MYT1: variants seen among roughly 807,000 people sequenced by gnomAD.
The protein encoded by MYT1 is myelin transcription factor I.
A neutral mutation model predicts 123.0 loss-of-function variants in MYT1; 23 were observed. The observed-to-expected ratio is 0.19, with a 90% CI of 0.13 to 0.26. MYT1 has a LOEUF of 0.26. MYT1 is among the 10% of genes least tolerant of loss of function. MYT1 has a pLI of 1.00. For missense variants in MYT1, 1,125 were observed against 1,472.5 expected (o/e 0.76, Z 3.86); for synonymous variants, 518 against 575.3 (o/e 0.90, Z 1.43).
At chr20:64,234,858 CCGTGG>C (rs1984455375) in intron 19 of MYT1, among the ~76,000 whole-genome samples, 1 of 140,138 alleles carries the variant, frequency 7.1e-6, no homozygotes, top group Non-Finnish European at 1.5e-5. Flanking sequence ...CCTGGGCTGG[CCGTGG>C]TGGGTGACCC....
At chr20:64,225,376 T>C (rs1476284753) in intron 16 of MYT1, among the ~76,000 whole-genome samples, 1 of 152,202 alleles carries the variant, frequency 6.6e-6, no homozygotes, top group East Asian at 1.9e-4. Flanking sequence ...AGTCAGATGA[T>C]GTGTGTTCTG....
At chr20:64,198,793 C>G in intron 2 of MYT1, 69 bp from the exon 3 acceptor site, 1 of 1,550,866 alleles carries the variant, frequency 6.4e-7, no homozygotes. Flanking sequence ...GCCAGACATT[C>G]CTGATGGCTC....
At chr20:64,225,273 C>T (rs1187994311) in intron 16 of MYT1, among the ~76,000 whole-genome samples, 1 of 152,248 alleles carries the variant, frequency 6.6e-6, no homozygotes, top group Non-Finnish European at 1.5e-5. Flanking sequence ...CTGGCCCCTC[C>T]TGATCAGCCT....
rs1983755114 is a variant in MYT1, at chr20:64,213,787, G to C, written c.1631+140G>C. On this transcript the variant is annotated intron_variant, in intron 10 of 22. Transcript: ENST00000328439. This position sits in a 1 kb window ranked among gnomAD's most constrained non-coding sequence, Gnocchi z 5.6. ...CGTGCATGTGAGTGTACGTGCATGTGAGTGTGCACATGCCCCGGGCCCCCC... is the reference window on the plus strand; with the variant it reads ...CGTGCATGTGAGTGTACGTGCATGTCAGTGTGCACATGCCCCGGGCCCCCC... 6 of 728,366 alleles carry C rather than the reference G, an allele frequency of 8.2e-6. No individual in the cohort carries two copies. In the East Asian group the frequency reaches 1.6e-4, roughly 20 times the overall value. 45.1% of individuals were successfully genotyped at this position (728,366 alleles called of 1,614,324 possible).
rs1983741516 is a variant in MYT1, at chr20:64,213,444, C to T, written c.1518-90C>T. ...CCTGGAGTTCTCACATCTGAATGAC[C>T]TTGCCGTGAGACACCCACACACACA... is the stretch of plus-strand genomic sequence containing the variant. On this transcript the variant is annotated intron_variant, in intron 9 of 22. Transcript: ENST00000328439. This position sits in a 1 kb window ranked among gnomAD's most constrained non-coding sequence, Gnocchi z 5.6. 1.0e-6 allele frequency: 1 copy of T among 955,702 alleles called. No homozygotes were observed. The highest frequency in any genetic ancestry group is 1.4e-5 in the South Asian group (1 of 70,098). 59.2% of individuals were successfully genotyped at this position (955,702 alleles called of 1,614,324 possible).
At position 64,185,408 on chromosome 20, in the gene MYT1, G is replaced by A. The variant is rs1982772964; in HGVS notation, c.-98-4655G>A. The stretch of plus-strand genomic sequence containing the variant: ...TCCCCTCTTTGCTGAGGGGCAGGTG[G>A]TAACAGCTCCTGGCCCCAAAGGCAG... On this transcript the variant is annotated intron_variant, in intron 1 of 22. Coordinates refer to ENST00000328439, the MANE Select transcript of MYT1 (RefSeq NM_004535.3). The surrounding 1 kb of genome is among the most constrained non-coding windows in gnomAD (Gnocchi z 4.5). Among the ~76,000 whole-genome samples, 1 of 152,176 alleles carries A rather than the reference G, an allele frequency of 6.6e-6. No homozygotes were observed. Among genetic ancestry groups the A allele is most frequent in the Non-Finnish European group, 1.5e-5 (1 of 68,020 alleles).
intron 2 of MYT1, among the ~76,000 whole-genome samples, chr20:64,194,125 C>T (rs573510852): frequency 2.0e-5 from 3 of 152,328 alleles, no homozygotes; most frequent in Admixed American, 2.0e-4. Flanking sequence ...CCTTAAATGA[C>T]ATGCACTAAG....
intron 4 of MYT1, among the ~76,000 whole-genome samples, chr20:64,204,294 G>GT (rs1354899540): frequency 1.3e-5 from 2 of 152,180 alleles, no homozygotes; most frequent in Non-Finnish European, 2.9e-5. Context: ...TTAAGGAAGA[G>GT]GAACTCCTGG....
At chr20:64,172,864 G>A (rs1057399414) in intron 1 of MYT1, among the ~76,000 whole-genome samples, 23 of 147,666 alleles carry the variant, frequency 1.6e-4, no homozygotes, top group African/African-American at 4.8e-4. Context: ...CTCCTGCCTC[G>A]GCCTCCTGCA....
At chr20:64,216,830 A>G (rs1326088885) in intron 10 of MYT1, among the ~76,000 whole-genome samples, 2 of 152,120 alleles carry the variant, frequency 1.3e-5, no homozygotes, top group Non-Finnish European at 2.9e-5. Flanking sequence ...TGAGGGTCCT[A>G]TTGCTTCCTC....
chr20:64,237,664 T>C (rs1432194155), intron 21 of MYT1, among the ~76,000 whole-genome samples: 2 of 152,324 alleles, frequency 1.3e-5, no homozygotes, highest in African/African-American at 4.8e-5. Context: ...CTATTAATAA[T>C]ACTAGTCCCA....
Position 64,214,533 on chromosome 20 carries a change from C to G in MYT1, c.1631+886C>G, listed in dbSNP as rs527740545. Among the ~76,000 whole-genome samples the G allele has an allele frequency of 6.5e-4, 99 of 152,354 alleles. 1 individual carries two copies. The highest frequency in any genetic ancestry group is 2.2e-3 in the African/African-American group (93 of 41,586). ...GCTCAGAGAGTTGCCCAAGGCCACCCTGCCCATCCTGCCTGGCTTCAAAGT... is the reference window on the plus strand; with the variant it reads ...GCTCAGAGAGTTGCCCAAGGCCACCGTGCCCATCCTGCCTGGCTTCAAAGT... On this transcript the variant is annotated intron_variant, in intron 10 of 22. Transcript: ENST00000328439.
chr20:64,189,831 G>A lies in MYT1; in HGVS notation c.-98-232G>A, dbSNP rs1172495388. On this transcript the variant is annotated intron_variant, in intron 1 of 22. Transcript: ENST00000328439. The surrounding 1 kb of genome is among the most constrained non-coding windows in gnomAD (Gnocchi z 5.5). ...CTAGAGCTGGGACAACAGTGCAGGG[G>A]ACTGCAGGAAGACTCCAGGGAGGCC... Among the ~76,000 whole-genome samples the A allele has an allele frequency of 1.3e-5, 2 of 152,192 alleles. No homozygotes were observed. The highest frequency in any genetic ancestry group is 2.9e-5 in the Non-Finnish European group (2 of 68,034).
At position 64,192,847 on chromosome 20, in the gene MYT1, C is replaced by A. The variant is rs997436979; in HGVS notation, c.-1+2687C>A. Reference sequence around the variant, plus strand: ...TGCCACTGGGTATGGCCCTTCTGGCCTCTCTTTATGTTGTTGGATTCTACC... The same window carrying A: ...TGCCACTGGGTATGGCCCTTCTGGCATCTCTTTATGTTGTTGGATTCTACC... On this transcript the variant is annotated intron_variant, in intron 2 of 22. Coordinates refer to ENST00000328439, the MANE Select transcript of MYT1 (RefSeq NM_004535.3). This position sits in a 1 kb window ranked among gnomAD's most constrained non-coding sequence, Gnocchi z 5.3. Among the ~76,000 whole-genome samples the A allele has an allele frequency of 6.6e-6, 1 of 152,212 alleles. No homozygotes were observed. The highest frequency in any genetic ancestry group is 6.5e-5 in the Admixed American group (1 of 15,286).
In MYT1 at chr20:64,205,723, A is replaced by G; in HGVS notation, c.320A>G (p.Glu107Gly). The G allele has an allele frequency of 6.2e-7, 1 of 1,614,204 alleles. No individual in the cohort carries two copies. Among genetic ancestry groups the G allele is most frequent in the African/African-American group, 1.3e-5 (1 of 75,074 alleles). Residue 107 changes from glutamate (E) to glycine (G), a missense_variant, in exon 6 of 23, where the codon GAA becomes GGA. Coordinates refer to ENST00000328439, the MANE Select transcript of MYT1 (RefSeq NM_004535.3). ...GTGAAGGACGCCTCTGTTTCGGATG[A>G]ATCGGAAGGAACTCTGGAGGGGGCC... ...TEVKDASVSD[E>G]SEGTLEGAEA...
rs573669032 is a variant in MYT1, at chr20:64,227,782, A to T, written c.2592-106A>T. 5 of 602,256 alleles carry T rather than the reference A, an allele frequency of 8.3e-6. No individual in the cohort carries two copies. In the East Asian group the frequency reaches 1.9e-4, roughly 23 times the overall value. 37.3% of individuals were successfully genotyped at this position (602,256 alleles called of 1,614,324 possible). A position where few individuals can be genotyped will look rare whatever the true frequency, so the allele number is the denominator to read the frequency against. On this transcript the variant is annotated intron_variant, in intron 17 of 22. Transcript: ENST00000328439. Reference sequence around the variant, plus strand: ...CCATCGGTTGCCCTCACTCCCTCCCACCCCACCCTGGGGTCACAGAGCTTG... The same window carrying T: ...CCATCGGTTGCCCTCACTCCCTCCCTCCCCACCCTGGGGTCACAGAGCTTG...
Position 64,192,492 on chromosome 20 carries a change from T to C in MYT1, c.-1+2332T>C, listed in dbSNP as rs907003886. ...AGGCTGGCTTCGGACAGGAGATGGG[T>C]GGTGAGGAGCCAGCATGGGAGGGCA... On this transcript the variant is annotated intron_variant, in intron 2 of 22. Transcript: ENST00000328439. The surrounding 1 kb of genome is among the most constrained non-coding windows in gnomAD (Gnocchi z 5.3). 6.6e-6 allele frequency among the ~76,000 whole-genome samples: 1 copy of C among 151,772 alleles called. No individual in the cohort carries two copies. Among genetic ancestry groups the C allele is most frequent in the South Asian group, 2.1e-4 (1 of 4,798 alleles).
chr20:64,205,669 T>A lies in MYT1; in HGVS notation c.266T>A (p.Val89Glu). ...CTGGCTCTGGACGAGGGCTATGGTG[T>A]GGACAGCGACGGCAGTGAGGACACT... ...LKLALDEGYG[V>E]DSDGSEDTEV... The change falls in exon 6 of 23, where the codon GTG (valine) becomes GAG (glutamate). Residue 89 changes from valine to glutamate, a missense_variant. Val to Glu is a moderately radical substitution (Grantham distance 121, BLOSUM62 -2). Transcript: ENST00000328439. The A allele has an allele frequency of 6.2e-7, 1 of 1,614,182 alleles. No homozygotes were observed. Among genetic ancestry groups the A allele is most frequent in the Non-Finnish European group, 8.5e-7 (1 of 1,180,022 alleles).
chr20:64,219,462 G>A (rs777896338), intron 12 of MYT1, among the ~76,000 whole-genome samples: 7 of 152,214 alleles, frequency 4.6e-5, no homozygotes, highest in African/African-American at 7.2e-5. Flanking sequence ...AGTCTTACCC[G>A]TGTTTATGAC....
Sources: gnomAD v4.1 joint callset for allele counts (sites outside exome capture counted in the v4.1 genomes callset) on GRCh38, gnomAD v4.1.1 for gene constraint, Gnocchi (gnomAD v3.1) non-coding constraint, MANE v1.5 for transcripts, NCBI Gene and HGNC (gene_info 2026-07-23, HGNC 2026-07-21) for gene names.